UNC79: variants seen among roughly 807,000 people sequenced by gnomAD.
The protein encoded by UNC79 is unc-79 subunit of NALCN channel complex.
A neutral mutation model predicts 283.1 loss-of-function variants in UNC79; 37 were observed. That is an observed-to-expected ratio of 0.13 (90% CI 0.10 to 0.17). UNC79 has a LOEUF of 0.17. Ranked by LOEUF, UNC79 falls within the 10% of genes least tolerant of loss-of-function variation. The pLI is 1.00. For missense variants in UNC79, 2,272 were observed against 3,211.1 expected (o/e 0.71, Z 7.07); for synonymous variants, 1,107 against 1,200.2 (o/e 0.92, Z 1.61).
intron 14 of UNC79, among the ~76,000 whole-genome samples, chr14:93,547,852 G>A (rs2061678631): frequency 6.6e-6 from 1 of 151,932 alleles, no homozygotes; most frequent in Non-Finnish European, 1.5e-5. Flanking sequence ...AAATTATCCT[G>A]GCATGTTGGC....
Position 93,529,118 on chromosome 14 carries a change from A to G in UNC79, c.1053-168A>G, listed in dbSNP as rs1040492069. On this transcript the variant is annotated intron_variant, in intron 9 of 48. Coordinates refer to ENST00000555664, the Ensembl canonical transcript of UNC79. ...TATGATGAAGTGCCTATAATTTATA[A>G]TTTAGCTGGAATGCATTAGACATTT... is the stretch of plus-strand genomic sequence containing the variant. 2.0e-5 allele frequency among the ~76,000 whole-genome samples: 3 copies of G among 152,234 alleles called. No homozygotes were observed. The East Asian group carries it at 5.8e-4, about 29-fold the overall frequency.
chr14:93,640,892 T>A (rs2068963969), intron 32 of UNC79, among the ~76,000 whole-genome samples: 1 of 152,198 alleles, frequency 6.6e-6, no homozygotes, highest in South Asian at 2.1e-4. Flanking sequence ...ACACCTGAGC[T>A]CTTTCTGATT....
In UNC79 at chr14:93,538,753, G is replaced by T. The variant is rs1051893805; in HGVS notation, c.1352+535G>T. Among the ~76,000 whole-genome samples the T allele has an allele frequency of 4.9e-5, 7 of 144,302 alleles. 1 individual carries two copies. Among genetic ancestry groups the T allele is most frequent in the Admixed American group, 2.9e-4 (4 of 13,878 alleles). 94.7% of individuals were successfully genotyped at this position (144,302 alleles called of 152,430 possible). On this transcript the variant is annotated intron_variant, in intron 12 of 48. Coordinates refer to ENST00000555664, the Ensembl canonical transcript of UNC79. ...GACCCTGTGTAGTCAGACAGGGACA[G>T]CAGGGACAGGTCCTGCAGGCTACTG...
chr14:93,404,147 G>A (rs1178767832), intron 1 of UNC79, among the ~76,000 whole-genome samples: 2 of 151,972 alleles, frequency 1.3e-5, no homozygotes, highest in African/African-American at 4.8e-5. Context: ...AGAGAATGGT[G>A]AGTTTTATTT....
chr14:93,585,788 T>G (rs2064177011), intron 20 of UNC79, among the ~76,000 whole-genome samples: 1 of 152,262 alleles, frequency 6.6e-6, no homozygotes, highest in Non-Finnish European at 1.5e-5. Context: ...CTCATCTGAA[T>G]ATGTTCAACT....
intron 1 of UNC79, among the ~76,000 whole-genome samples, chr14:93,382,152 G>T (rs1319092934): frequency 2.6e-5 from 4 of 152,162 alleles, no homozygotes; most frequent in Non-Finnish European, 4.4e-5. Context: ...GTATGTAATA[G>T]ATGTGCCTCT....
chr14:93,644,120 T>A (rs2069338537), intron 34 of UNC79, among the ~76,000 whole-genome samples: 1 of 152,172 alleles, frequency 6.6e-6, no homozygotes, highest in South Asian at 2.1e-4. Flanking sequence ...ACTATGAAAC[T>A]TGGGGCATTG....
At chr14:93,659,232 T>C in exon 39 of UNC79, 1 of 1,612,064 alleles carries the variant, frequency 6.2e-7, no homozygotes, top group Non-Finnish European at 8.5e-7. Context: ...GATTTGCCTC[T>C]TGAAGATCCC....
chr14:93,535,269 T>G (rs1258515082), intron 11 of UNC79, among the ~76,000 whole-genome samples: 2 of 152,234 alleles, frequency 1.3e-5, no homozygotes, highest in African/African-American at 2.4e-5. Context: ...AAATATATTA[T>G]CAAAACTTAG....
At chr14:93,583,191 C>T (rs970371838) in intron 20 of UNC79, among the ~76,000 whole-genome samples, 3 of 151,954 alleles carry the variant, frequency 2.0e-5, no homozygotes, top group African/African-American at 7.3e-5. Flanking sequence ...TGTGGTGGCT[C>T]ATGCCTGTAA....
intron 22 of UNC79, among the ~76,000 whole-genome samples, chr14:93,589,448 A>T (rs533917422): frequency 3.1e-4 from 47 of 151,876 alleles, no homozygotes; most frequent in Non-Finnish European, 5.2e-4. Context: ...ATGGGGGGGA[A>T]GTTGGGTGTT....
At chr14:93,653,879 G>A (rs1566864052) in intron 36 of UNC79, 25 bp downstream of exon 39, 3 of 1,614,030 alleles carry the variant, frequency 1.9e-6, no homozygotes, top group Admixed American at 1.7e-5. Flanking sequence ...GAGGATCCAG[G>A]CACCACAAAT....
intron 22 of UNC79, among the ~76,000 whole-genome samples, chr14:93,590,696 A>G (rs932603828): frequency 1.3e-5 from 2 of 152,162 alleles, no homozygotes; most frequent in Non-Finnish European, 2.9e-5. Context: ...ATGGACAATG[A>G]AAGGACTTGT....
intron 1 of UNC79, chr14:93,347,360 C>T (rs1232032663): frequency 8.8e-6 from 14 of 1,581,954 alleles, no homozygotes; most frequent in South Asian, 1.1e-5. Context: ...TTCGCCCACT[C>T]GGGGCCCCCG....
intron 1 of UNC79, among the ~76,000 whole-genome samples, chr14:93,369,616 T>C (rs1476045120): frequency 6.6e-6 from 1 of 152,216 alleles, no homozygotes; most frequent in African/African-American, 2.4e-5. Context: ...TGAATGAGTC[T>C]GAGGGTTAAA....
chr14:93,392,606 A>G (rs2054906729), intron 1 of UNC79, among the ~76,000 whole-genome samples: 1 of 152,160 alleles, frequency 6.6e-6, no homozygotes, highest in Non-Finnish European at 1.5e-5. Flanking sequence ...AACAAGCTAA[A>G]GAAGTGTTTT....
At chr14:93,439,295 T>C (rs550505348) in intron 1 of UNC79, among the ~76,000 whole-genome samples, 1 of 131,526 alleles carries the variant, frequency 7.6e-6, no homozygotes, top group East Asian at 2.0e-4. Context: ...TTTACTTTAG[T>C]AGGAAAATCT....
At position 93,621,501 on chromosome 14, in the gene UNC79, TC is replaced by T. The variant is rs1010865494; in HGVS notation, c.4388-117del. ...AAAAACTTGGCCAGAAAGTTCGTTT[TC>T]CCTCCTGGTGGAGCTGGGATTGTGA... On this transcript the variant is annotated intron_variant, in intron 29 of 48. Transcript: ENST00000555664. This position sits in a 1 kb window ranked among gnomAD's most constrained non-coding sequence, Gnocchi z 4.8. The T allele has an allele frequency of 7.9e-7, 1 of 1,273,228 alleles. No homozygotes were observed. Among genetic ancestry groups the T allele is most frequent in the African/African-American group, 1.5e-5 (1 of 65,826 alleles). The allele number at this position is 1,273,228 out of a possible 1,614,324, so 78.9% of individuals were successfully genotyped here. A position where few individuals can be genotyped will look rare whatever the true frequency, so the allele number is the denominator to read the frequency against.
chr14:93,600,348 A>C (rs1269387364), intron 24 of UNC79, among the ~76,000 whole-genome samples: 3 of 150,758 alleles, frequency 2.0e-5, no homozygotes, highest in African/African-American at 7.2e-5. Context: ...TCAAAATTCA[A>C]GAGATATTCT....
Sources: gnomAD v4.1 joint callset for allele counts (sites outside exome capture counted in the v4.1 genomes callset) on GRCh38, gnomAD v4.1.1 for gene constraint, Gnocchi (gnomAD v3.1) non-coding constraint, MANE v1.5 for transcripts, NCBI Gene and HGNC (gene_info 2026-07-23, HGNC 2026-07-21) for gene names.